NAPEPLD: variants seen among roughly 807,000 people sequenced by gnomAD.
NAPEPLD encodes the protein N-acyl phosphatidylethanolamine phospholipase D.
Under a neutral mutation model 38.1 loss-of-function variants are expected in NAPEPLD, and 23 were observed. The observed-to-expected ratio is 0.60, with a 90% CI of 0.43 to 0.86. The LOEUF is 0.86. Among genes scored for constraint, NAPEPLD ranks in the 40% least tolerant of loss-of-function variants. NAPEPLD has a pLI of 0.00. For missense variants in NAPEPLD, 411 were observed against 476.8 expected (o/e 0.86, Z 1.28); for synonymous variants, 147 against 162.0 (o/e 0.91, Z 0.71).
intron 1 of NAPEPLD, among the ~76,000 whole-genome samples, chr7:103,148,324 T>C (rs1028524048): frequency 6.6e-6 from 1 of 151,710 alleles, no homozygotes; most frequent in Non-Finnish European, 1.5e-5. Flanking sequence ...AGACAAGAAC[T>C]AAATGACTTT....
chr7:103,133,773 T>C (rs79775118), intron 1 of NAPEPLD, among the ~76,000 whole-genome samples: 9,320 of 152,238 alleles, frequency 0.061, 506 homozygotes, highest in East Asian at 0.28. Flanking sequence ...ACAATGTAAA[T>C]GAAAATAATC....
At chr7:103,142,426 T>G (rs1035900392) in intron 1 of NAPEPLD, among the ~76,000 whole-genome samples, 1 of 151,426 alleles carries the variant, frequency 6.6e-6, no homozygotes, top group Non-Finnish European at 1.5e-5. Flanking sequence ...GCCAACATGG[T>G]GAAACCCCAT....
rs899490710 is a variant in NAPEPLD at position 103,100,155 on chromosome 7, GTA to G, written c.*3272_*3273del. On this transcript the variant is annotated 3_prime_UTR_variant, in exon 5 of 5. Transcript: ENST00000465647. ...ATTTTTACATTAGAAAAAGGACTCA[GTA>G]TAAGGTGAAAACAAAATTCCCAGTG... 2.4e-4 allele frequency: 37 copies of G among 152,146 alleles called. No individual in the cohort carries two copies. Among genetic ancestry groups the G allele is most frequent in the African/African-American group, 8.2e-4 (34 of 41,436 alleles). The allele number at this position is 152,146 out of a possible 1,614,324, so 9.4% of individuals were successfully genotyped here.
Position 103,149,001 on chromosome 7 carries a change from G to T in NAPEPLD, c.-207C>A, listed in dbSNP as rs577120843. The T allele has an allele frequency of 1.0e-6, 1 of 985,394 alleles. No homozygotes were observed. Among genetic ancestry groups the T allele is most frequent in the Non-Finnish European group, 1.2e-6 (1 of 829,930 alleles). 61.0% of individuals were successfully genotyped at this position (985,394 alleles called of 1,614,324 possible). ...ATGAAGCCCTGTCGCTCACAAGTGC[G>T]GCATCTCCGAGATGAGGGAGGGCTC... is the stretch of plus-strand genomic sequence containing the variant. On this transcript the variant is annotated 5_prime_UTR_variant, in exon 1 of 5. Transcript: ENST00000465647.
At chr7:103,135,747 A>C (rs1368919321) in intron 1 of NAPEPLD, among the ~76,000 whole-genome samples, 1 of 149,916 alleles carries the variant, frequency 6.7e-6, no homozygotes, top group South Asian at 2.1e-4. Flanking sequence ...ATAAATCTAT[A>C]TATATATATA....
At position 103,120,076 on chromosome 7, in the gene NAPEPLD, G is replaced by A; in HGVS notation, c.442C>T (p.Pro148Ser). Residue 148 changes from proline (P) to serine (S), a missense_variant, in exon 3 of 5, where the codon CCC (proline) becomes TCC (serine). By Grantham distance (74) the Pro-to-Ser change is moderately conservative. Coordinates refer to ENST00000465647, the MANE Select transcript of NAPEPLD (RefSeq NM_001122838.3). ...EMDELIFLTD[P>S]IFSSRASPSQ... is the part of the protein sequence containing the mutation. ...GGTGAAGCACGAGAGCTAAAGATGG[G>A]ATCCGTGAGAAATATGAGCTCATCC... The A allele has an allele frequency of 1.2e-6, 2 of 1,614,188 alleles. No homozygotes were observed. The highest frequency in any genetic ancestry group is 1.7e-6 in the Non-Finnish European group (2 of 1,180,040).
At position 103,119,702 on chromosome 7, in the gene NAPEPLD, G is replaced by A; in HGVS notation, c.816C>T (p.Val272=). 6.2e-7 allele frequency: 1 copy of A among 1,614,036 alleles called. No homozygotes were observed. The highest frequency in any genetic ancestry group is 1.1e-5 in the South Asian group (1 of 91,082). The part of the protein sequence containing the change: ...DNKVLWGSWS[V]LGPWNRFFFA... ...AAAAAAATCGATTCCAAGGCCCCAAGACAGACCAGCTGCCCCATAGCACCT... is the reference window on the plus strand; with the variant it reads ...AAAAAAATCGATTCCAAGGCCCCAAAACAGACCAGCTGCCCCATAGCACCT... Residue 272 remains valine, a synonymous_variant, in exon 3 of 5, where the codon GTC becomes GTT. Coordinates refer to ENST00000465647, the MANE Select transcript of NAPEPLD (RefSeq NM_001122838.3).
At chr7:103,139,819 A>G (rs531617991) in intron 1 of NAPEPLD, among the ~76,000 whole-genome samples, 1 of 152,296 alleles carries the variant, frequency 6.6e-6, no homozygotes, top group South Asian at 2.1e-4. Context: ...CTGTTCAGCC[A>G]TCTCCTGAGT....
At chr7:103,137,273 C>T (rs1401619600) in intron 1 of NAPEPLD, among the ~76,000 whole-genome samples, 5 of 152,190 alleles carry the variant, frequency 3.3e-5, no homozygotes, top group Middle Eastern at 6.9e-3. Flanking sequence ...GAATGCAAAA[C>T]GCAATTTGAA....
intron 2 of NAPEPLD, among the ~76,000 whole-genome samples, chr7:103,124,982 A>G (rs1443713614): frequency 6.6e-6 from 1 of 152,222 alleles, no homozygotes; most frequent in Non-Finnish European, 1.5e-5. Context: ...CATACTTACA[A>G]TTTTAAGAGT....
intron 4 of NAPEPLD, among the ~76,000 whole-genome samples, chr7:103,109,380 AAC>A (rs1463651094): frequency 2.0e-5 from 3 of 152,200 alleles, no homozygotes; most frequent in Non-Finnish European, 4.4e-5. Flanking sequence ...AGGAAATCAT[AAC>A]AGTCTCTCAG....
chr7:103,119,650 CA>C lies in NAPEPLD; in HGVS notation c.867del (p.Ala290LeufsTer5). The C allele has an allele frequency of 6.2e-7, 1 of 1,614,184 alleles. No homozygotes were observed. The part of the protein sequence containing the change: ...FFFAGDTGYC[P>X]AFEEIGKRFG... ...AATCTTTTTCCTATCTCTTCAAAAG[CA>C]GGGCAATAACCAGTATCTCCTGCGA... is the stretch of plus-strand genomic sequence containing the variant. On this transcript the variant is annotated frameshift_variant, in exon 3 of 5. Coordinates refer to ENST00000465647, the MANE Select transcript of NAPEPLD (RefSeq NM_001122838.3). LOFTEE classifies it high-confidence loss of function.
intron 4 of NAPEPLD, among the ~76,000 whole-genome samples, chr7:103,111,054 G>T (rs1351769159): frequency 6.6e-6 from 1 of 152,168 alleles, no homozygotes; most frequent in Non-Finnish European, 1.5e-5. Flanking sequence ...ACTTACAAGG[G>T]ATGTGAAGGA....
chr7:103,118,721 C>G (rs1806032949), intron 3 of NAPEPLD, among the ~76,000 whole-genome samples: 1 of 152,160 alleles, frequency 6.6e-6, no homozygotes, highest in Admixed American at 6.5e-5. Flanking sequence ...ACATATAAAC[C>G]AGAGTTGACT....
intron 1 of NAPEPLD, among the ~76,000 whole-genome samples, chr7:103,140,431 C>T (rs1018605761): frequency 3.4e-5 from 4 of 118,750 alleles, no homozygotes; most frequent in East Asian, 2.7e-4. Flanking sequence ...CTTGCTCAGT[C>T]GCCCAGGCTG....
rs180990841 is a variant in NAPEPLD, at chr7:103,110,836, T to C, written c.1056+4224A>G. Among the ~76,000 whole-genome samples, 419 of 152,260 alleles carry C rather than the reference T, an allele frequency of 2.8e-3. 5 individuals carry two copies. The highest frequency in any genetic ancestry group is 9.6e-3 in the African/African-American group (400 of 41,538). On this transcript the variant is annotated intron_variant, in intron 4 of 4. Coordinates refer to ENST00000465647, the MANE Select transcript of NAPEPLD (RefSeq NM_001122838.3). Reference sequence around the variant, plus strand: ...ATTGTATATTTAGAGAAACCCATCATCTCAACCCAAAATCTCCTTAAGCTG... The same window carrying C: ...ATTGTATATTTAGAGAAACCCATCACCTCAACCCAAAATCTCCTTAAGCTG...
chr7:103,149,038 A>G lies in NAPEPLD; in HGVS notation c.-244T>C, dbSNP rs1203098025. 4.1e-6 allele frequency: 4 copies of G among 985,162 alleles called. No homozygotes were observed. Among genetic ancestry groups the G allele is most frequent in the Non-Finnish European group, 4.8e-6 (4 of 829,930 alleles). 61.0% of individuals were successfully genotyped at this position (985,162 alleles called of 1,614,324 possible). ...ATGAGGGAGGGCTCGGGGACGGGAA[A>G]CCCACTCTCAGCCCGCTCCACTTCG... On this transcript the variant is annotated 5_prime_UTR_variant, in exon 1 of 5. Transcript: ENST00000465647.
chr7:103,113,661 C>T lies in NAPEPLD; in HGVS notation c.1056+1399G>A, dbSNP rs548080243. ...TTTTTTTTTTCTCAAGACAGAGTTT[C>T]GCTCTTTCACCCAGGCTGGAAGGAA... On this transcript the variant is annotated intron_variant, in intron 4 of 4. Transcript: ENST00000465647. Among the ~76,000 whole-genome samples, 345 of 122,386 alleles carry T rather than the reference C, an allele frequency of 2.8e-3. 1 individual carries two copies. The highest frequency in any genetic ancestry group is 7.0e-3 in the Admixed American group (69 of 9,894). The allele number at this position is 122,386 out of a possible 152,430, so 80.3% of individuals were successfully genotyped here.
chr7:103,130,968 G>A (rs894138085), intron 1 of NAPEPLD, among the ~76,000 whole-genome samples: 2 of 152,070 alleles, frequency 1.3e-5, no homozygotes, highest in Non-Finnish European at 2.9e-5. Context: ...TTAAGTTCAG[G>A]CCAAGGACTT....
Sources: allele counts gnomAD v4.1 joint callset (sites outside exome capture counted in the v4.1 genomes callset), GRCh38; gene constraint gnomAD v4.1.1; transcripts MANE v1.5; gene names NCBI Gene and HGNC (gene_info 2026-07-23, HGNC 2026-07-21).